TRIO: variants seen among roughly 807,000 people sequenced by gnomAD.
The protein encoded by TRIO is trio Rho guanine nucleotide exchange factor.
Under a neutral mutation model 351.9 loss-of-function variants are expected in TRIO, and 58 were observed. The observed-to-expected ratio is 0.16, with a 90% confidence interval of 0.13 to 0.21. The LOEUF (loss-of-function observed/expected upper bound fraction) is 0.21, where lower values mean the gene tolerates loss of function less well. Ranked by LOEUF, TRIO falls within the 10% of genes least tolerant of loss-of-function variation. TRIO has a pLI of 1.00. For missense variants in TRIO, 3,201 were observed against 4,027.8 expected, an observed-to-expected ratio of 0.79 and a Z score of 5.56; for synonymous variants, 1,758 against 1,595.7, an observed-to-expected ratio of 1.10 and a Z score of -2.42.
intron 1 of TRIO, among the ~76,000 whole-genome samples, chr5:14,229,390 T>C (rs1249148755): frequency 1.3e-5 from 2 of 152,152 alleles, no homozygotes; most frequent in African/African-American, 4.8e-5. Flanking sequence ...CAGAGGAGAG[T>C]TGGCCTGCAG....
chr5:14,477,031 T>G (rs1755132971), intron 41 of TRIO, 68 bp downstream of exon 41: 2 of 1,409,358 alleles, frequency 1.4e-6, no homozygotes, highest in African/African-American at 1.4e-5. Context: ...TTTGTCAGAT[T>G]AAAGGAGAAC....
intron 7 of TRIO, among the ~76,000 whole-genome samples, chr5:14,302,337 A>G (rs373542577): frequency 3.9e-5 from 6 of 152,320 alleles, no homozygotes; most frequent in African/African-American, 1.2e-4. Context: ...TGCAGTGGCC[A>G]TTGTCCAGGA....
intron 4 of TRIO, among the ~76,000 whole-genome samples, chr5:14,290,499 CAT>C (rs1371798358): frequency 6.6e-6 from 1 of 152,150 alleles, no homozygotes; most frequent in Non-Finnish European, 1.5e-5. Flanking sequence ...TTCCAGCTGA[CAT>C]ATATGTGTTG....
chr5:14,505,237 T>TG (rs1321876843), intron 55 of TRIO, among the ~76,000 whole-genome samples: 5 of 152,206 alleles, frequency 3.3e-5, no homozygotes, highest in African/African-American at 1.2e-4. Flanking sequence ...CTCGTGGAAA[T>TG]GTCAGGAGAG....
chr5:14,255,137 T>A (rs1021408661), intron 1 of TRIO, among the ~76,000 whole-genome samples: 1 of 152,226 alleles, frequency 6.6e-6, no homozygotes, highest in African/African-American at 2.4e-5. Flanking sequence ...CAGCAAATGG[T>A]TGCATCCTTA....
intron 13 of TRIO, among the ~76,000 whole-genome samples, chr5:14,361,449 G>T (rs2152338650): frequency 6.6e-6 from 1 of 152,294 alleles, no homozygotes; most frequent in South Asian, 2.1e-4. Context: ...TGGTTCAGAA[G>T]CTGTTAGAAG....
At chr5:14,502,385 G>T (rs552468723) in intron 53 of TRIO, among the ~76,000 whole-genome samples, 194 bp from the exon 54 acceptor site, 3 of 152,324 alleles carry the variant, frequency 2.0e-5, no homozygotes, top group Admixed American at 1.3e-4. Flanking sequence ...GAACTATTTT[G>T]CATTCTTCCT....
intron 1 of TRIO, among the ~76,000 whole-genome samples, chr5:14,221,894 G>A (rs1324207864): frequency 6.6e-6 from 1 of 152,250 alleles, no homozygotes; most frequent in African/African-American, 2.4e-5. Context: ...AATTTCGAAA[G>A]AAGTTCTGCT....
chr5:14,496,458 T>A (rs1756901301), intron 49 of TRIO, among the ~76,000 whole-genome samples: 1 of 152,180 alleles, frequency 6.6e-6, no homozygotes, highest in African/African-American at 2.4e-5. Flanking sequence ...GAGACCAGAC[T>A]TTTTGTGTTC....
chr5:14,350,009 G>A (rs911605259), intron 11 of TRIO, among the ~76,000 whole-genome samples: 11 of 152,174 alleles, frequency 7.2e-5, no homozygotes, highest in African/African-American at 2.7e-4. Context: ...AGTTTGCTAA[G>A]GATAACGGCC....
At chr5:14,262,575 G>A (rs1179611759) in intron 1 of TRIO, among the ~76,000 whole-genome samples, 2 of 152,222 alleles carry the variant, frequency 1.3e-5, no homozygotes, top group East Asian at 1.9e-4. Flanking sequence ...GAATGCATTC[G>A]AGGGAATTAA....
At chr5:14,338,263 C>T (rs983461053) in intron 11 of TRIO, among the ~76,000 whole-genome samples, 1 of 152,160 alleles carries the variant, frequency 6.6e-6, no homozygotes, top group African/African-American at 2.4e-5. Context: ...ACCAGTGGTT[C>T]TTCTTGTATG....
chr5:14,472,685 T>G lies in TRIO; in HGVS notation c.5979+27T>G, dbSNP rs139670149. 423 of 1,611,660 alleles carry G rather than the reference T, an allele frequency of 2.6e-4. 2 individuals are homozygous for G. The African/African-American group carries it at 5.0e-3, about 19-fold the overall frequency. On this transcript the variant is annotated intron_variant, in intron 39 of 56. Transcript: ENST00000344204. ...TGTGTATTGCCAGAAATTTAGTATCTTCGTATCAGTTCCAAGAGTTGTCAA... is the reference window on the plus strand; with the variant it reads ...TGTGTATTGCCAGAAATTTAGTATCGTCGTATCAGTTCCAAGAGTTGTCAA...
chr5:14,258,540 C>T (rs1795155927), intron 1 of TRIO, among the ~76,000 whole-genome samples: 1 of 152,146 alleles, frequency 6.6e-6, no homozygotes, highest in South Asian at 2.1e-4. Flanking sequence ...AAAAGGAAAA[C>T]AGATTCCCCA....
chr5:14,484,857 T>C (rs936251109), intron 46 of TRIO, among the ~76,000 whole-genome samples: 1 of 151,966 alleles, frequency 6.6e-6, no homozygotes, highest in Non-Finnish European at 1.5e-5. Flanking sequence ...ATCATAACAA[T>C]AGTTGTATTT....
chr5:14,509,394 G>A lies in TRIO; in HGVS notation c.*972G>A. On this transcript the variant is annotated 3_prime_UTR_variant, in exon 57 of 57. Coordinates refer to ENST00000344204, the MANE Select transcript of TRIO (RefSeq NM_007118.4). ...TTTATGGTTTTGTGTGTGTGTTGGG[G>A]TTGGCGGGTGGGTGGGTAGGGTCGT... The A allele has an allele frequency of 2.3e-6, 1 of 430,046 alleles. No individual in the cohort carries two copies. Among genetic ancestry groups the A allele is most frequent in the Non-Finnish European group, 4.6e-6 (1 of 219,044 alleles). The allele number at this position is 430,046 out of a possible 1,614,324, so 26.6% of individuals were successfully genotyped here.
chr5:14,367,783 A>G (rs781726938), intron 16 of TRIO, among the ~76,000 whole-genome samples: 3 of 152,174 alleles, frequency 2.0e-5, no homozygotes, highest in Non-Finnish European at 4.4e-5. Context: ...TCCCTGGATT[A>G]ATTTATTGTC....
At chr5:14,445,775 A>G (rs1406290285) in intron 34 of TRIO, among the ~76,000 whole-genome samples, 1 of 152,234 alleles carries the variant, frequency 6.6e-6, no homozygotes, top group East Asian at 1.9e-4. Context: ...GAAGTGGCCC[A>G]AGGGCACAGA....
intron 10 of TRIO, among the ~76,000 whole-genome samples, chr5:14,333,627 C>T (rs930427883): frequency 2.0e-5 from 3 of 152,116 alleles, no homozygotes; most frequent in Non-Finnish European, 4.4e-5. Flanking sequence ...TCTAAGTTCC[C>T]AAAATCCCTT....
Sources: gnomAD v4.1 joint callset for allele counts (sites outside exome capture counted in the v4.1 genomes callset) on GRCh38, gnomAD v4.1.1 for gene constraint, MANE v1.5 for transcripts, NCBI Gene and HGNC (gene_info 2026-07-23, HGNC 2026-07-21) for gene names.